The following RALYL variants were observed in gnomAD, a reference collection of about 807,000 sequenced individuals.
RALYL encodes the protein RNA-binding Raly-like protein.
RALYL carries 29 observed loss-of-function variants against 35.1 expected under a neutral mutation model. The observed-to-expected ratio is 0.83, with a 90% CI of 0.61 to 1.13. The LOEUF is 1.13. Among genes scored for constraint, RALYL ranks in the 50% most tolerant of loss-of-function variants. The pLI is 0.00. For synonymous variants in RALYL, 120 were observed against 127.6 expected, an observed-to-expected ratio of 0.94 and a Z score of 0.40; for missense variants, 359 against 360.4, an observed-to-expected ratio of 1.00 and a Z score of 0.03.
chr8:84,859,466 C>T (rs1482829726), intron 5 of RALYL, among the ~76,000 whole-genome samples: 1 of 152,084 alleles, frequency 6.6e-6, no homozygotes, highest in Non-Finnish European at 1.5e-5. Flanking sequence ...TGTGAATGAC[C>T]TATCACATTA....
chr8:84,647,663 C>T (rs1827781057), intron 2 of RALYL, among the ~76,000 whole-genome samples: 1 of 151,934 alleles, frequency 6.6e-6, no homozygotes, highest in African/African-American at 2.4e-5. Flanking sequence ...TTACCTTTCC[C>T]TTGAAGAGAA....
chr8:84,890,535 A>T (rs757285699), intron 8 of RALYL, among the ~76,000 whole-genome samples: 13 of 152,232 alleles, frequency 8.5e-5, no homozygotes, highest in Non-Finnish European at 7.3e-5. Context: ...TTTAAGATGT[A>T]TCAGAACTAC....
chr8:84,336,471 A>C, intron 1 of RALYL, among the ~76,000 whole-genome samples: 1 of 152,122 alleles, frequency 6.6e-6, no homozygotes, highest in East Asian at 1.9e-4. Context: ...CTTTATTGGA[A>C]GGATAGCTAT....
chr8:84,443,478 C>A (rs1017484839), intron 1 of RALYL, among the ~76,000 whole-genome samples: 1 of 152,134 alleles, frequency 6.6e-6, no homozygotes, highest in Non-Finnish European at 1.5e-5. Flanking sequence ...TGATTGGATG[C>A]CTTGTCATGC....
intron 2 of RALYL, among the ~76,000 whole-genome samples, chr8:84,650,714 A>G (rs368715826): frequency 1.3e-5 from 2 of 149,672 alleles, no homozygotes; most frequent in African/African-American, 4.9e-5. Context: ...CAGCCATCCC[A>G]TTACTGGGTA....
chr8:84,693,977 A>G (rs1282577094), intron 2 of RALYL, among the ~76,000 whole-genome samples: 1 of 151,924 alleles, frequency 6.6e-6, no homozygotes, highest in Non-Finnish European at 1.5e-5. Context: ...CCTCTACACA[A>G]TAAAGGCCAT....
chr8:84,575,291 A>T (rs1809075328), intron 2 of RALYL, among the ~76,000 whole-genome samples: 1 of 152,178 alleles, frequency 6.6e-6, no homozygotes, highest in African/African-American at 2.4e-5. Context: ...CTTGTATTTG[A>T]GATATATGTG....
chr8:84,679,389 G>A (rs1834890799), intron 2 of RALYL: 1 of 266,596 alleles, frequency 3.8e-6, no homozygotes, highest in Non-Finnish European at 7.5e-6. Context: ...AGAGAGATTT[G>A]TTAACCTTGG....
At chr8:84,283,734 C>G (rs1837064896) in intron 1 of RALYL, among the ~76,000 whole-genome samples, 1 of 151,986 alleles carries the variant, frequency 6.6e-6, no homozygotes, top group Non-Finnish European at 1.5e-5. Flanking sequence ...TAATATCACC[C>G]AATAGATTGG....
chr8:84,247,866 C>G (rs1829429423), intron 1 of RALYL, among the ~76,000 whole-genome samples: 1 of 152,052 alleles, frequency 6.6e-6, no homozygotes, highest in Non-Finnish European at 1.5e-5. Context: ...CTCAGACTAT[C>G]CTAGCTTTGC....
intron 1 of RALYL, among the ~76,000 whole-genome samples, chr8:84,367,318 A>AATTTTTTTTTTTTTTTTTTTTT (rs1854572226): frequency 3.6e-5 from 1 of 27,400 alleles, no homozygotes; most frequent in African/African-American, 8.0e-5. Context: ...TAATTTTTGT[A>AATTTTTTTTTTTTTTTTTTTTT]TTTTTTTTTT....
chr8:84,460,011 TA>T (rs1317000915), intron 1 of RALYL, among the ~76,000 whole-genome samples: 2 of 151,814 alleles, frequency 1.3e-5, no homozygotes, highest in East Asian at 3.9e-4. Flanking sequence ...GAACAAGGTT[TA>T]AAGATGTTGA....
At chr8:84,880,780 A>G (rs1842051580) in intron 7 of RALYL, among the ~76,000 whole-genome samples, 1 of 151,842 alleles carries the variant, frequency 6.6e-6, no homozygotes, top group African/African-American at 2.4e-5. Flanking sequence ...TCCCCCTAAA[A>G]ATCACCTTTT....
intron 2 of RALYL, among the ~76,000 whole-genome samples, chr8:84,548,377 C>G (rs915696327): frequency 2.0e-5 from 3 of 152,076 alleles, no homozygotes; most frequent in Non-Finnish European, 4.4e-5. Context: ...ATTGTAGGGA[C>G]TTTCTTATTC....
intron 1 of RALYL, among the ~76,000 whole-genome samples, chr8:84,261,331 G>A (rs906480645): frequency 2.6e-5 from 4 of 152,184 alleles, no homozygotes; most frequent in Admixed American, 6.5e-5. Flanking sequence ...CACGTGTGGT[G>A]GAAGGGACCA....
At chr8:84,403,524 GTT>G (rs769845435) in intron 1 of RALYL, among the ~76,000 whole-genome samples, 12 of 39,480 alleles carry the variant, frequency 3.0e-4, no homozygotes, top group African/African-American at 5.5e-4. Context: ...CTATATCTCT[GTT>G]TTTTTTTTTT....
intron 1 of RALYL, among the ~76,000 whole-genome samples, chr8:84,225,105 T>C (rs552323523): frequency 9.8e-5 from 15 of 152,356 alleles, no homozygotes; most frequent in Admixed American, 2.0e-4. Flanking sequence ...TTGCTCAAGA[T>C]AGATAGTTAG....
chr8:84,535,407 G>A (rs1472686793), intron 2 of RALYL, among the ~76,000 whole-genome samples: 6 of 149,582 alleles, frequency 4.0e-5, no homozygotes, highest in Non-Finnish European at 8.9e-5. Context: ...AGCCTGTCCT[G>A]TGCATGGTAG....
chr8:84,224,624 C>T (rs1823382823), intron 1 of RALYL, among the ~76,000 whole-genome samples: 1 of 151,280 alleles, frequency 6.6e-6, no homozygotes, highest in Admixed American at 6.6e-5. Flanking sequence ...TAGAATGATA[C>T]AACATATTAT....
Sources: allele counts gnomAD v4.1 joint callset (sites outside exome capture counted in the v4.1 genomes callset), GRCh38; gene constraint gnomAD v4.1.1; transcripts MANE v1.5; gene names NCBI Gene and HGNC (gene_info 2026-07-23, HGNC 2026-07-21).